DYNLRB1: variants seen among roughly 807,000 people sequenced by gnomAD.
DYNLRB1 encodes dynein light chain roadblock-type 1.
DYNLRB1 carries 6 observed loss-of-function variants against 13.5 expected under a neutral mutation model. The ratio of observed to expected loss-of-function variants is 0.44; its 90% CI spans 0.24 to 0.88. DYNLRB1 has a LOEUF of 0.88. Ranked by LOEUF, DYNLRB1 falls within the 40% of genes least tolerant of loss-of-function variation. The pLI, the probability that DYNLRB1 is intolerant of heterozygous loss-of-function variation, is 0.21. For missense variants in DYNLRB1, 93 were observed against 127.2 expected, an observed-to-expected ratio of 0.73 and a Z score of 1.29; for synonymous variants, 43 against 45.0, an observed-to-expected ratio of 0.96 and a Z score of 0.18.
At chr20:34,536,744 CAAAAA>C (rs560286767) in intron 3 of DYNLRB1, among the ~76,000 whole-genome samples, 2 of 55,920 alleles carry the variant, frequency 3.6e-5, no homozygotes, top group Admixed American at 2.0e-4. Flanking sequence ...GACTCTGTCT[CAAAAA>C]AAAAAAAAAA....
intron 1 of DYNLRB1, among the ~76,000 whole-genome samples, chr20:34,517,668 G>A (rs1200350207): frequency 2.3e-5 from 3 of 131,106 alleles, no homozygotes; most frequent in Non-Finnish European, 4.6e-5. Context: ...TGTCTCTGTC[G>A]CTCAGGCTGG....
At chr20:34,537,163 C>T (rs915984082) in intron 3 of DYNLRB1, among the ~76,000 whole-genome samples, 1 of 152,104 alleles carries the variant, frequency 6.6e-6, no homozygotes, top group African/African-American at 2.4e-5. Flanking sequence ...GTGGCCAGTC[C>T]CTCACCTTGG....
intron 1 of DYNLRB1, among the ~76,000 whole-genome samples, chr20:34,525,191 A>C (rs1421493376): frequency 6.8e-5 from 10 of 147,406 alleles, no homozygotes; most frequent in African/African-American, 2.3e-4. Context: ...CCCCCCCCCC[A>C]TTTCTTTTGG....
chr20:34,526,966 T>C (rs978691483), intron 2 of DYNLRB1, among the ~76,000 whole-genome samples: 34 of 152,222 alleles, frequency 2.2e-4, no homozygotes, highest in African/African-American at 7.5e-4. Flanking sequence ...CAACCCTTTC[T>C]GAGTGGTATC....
At chr20:34,530,046 G>A (rs1462716447) in intron 2 of DYNLRB1, 2 of 1,251,382 alleles carry the variant, frequency 1.6e-6, no homozygotes, top group Non-Finnish European at 2.0e-6. Flanking sequence ...GTCACTAAGA[G>A]AGAAACTGTC....
chr20:34,529,787 T>C, intron 2 of DYNLRB1: 1 of 1,325,018 alleles, frequency 7.5e-7, no homozygotes, highest in Non-Finnish European at 9.8e-7. Flanking sequence ...AGCACAGAGC[T>C]AGACAGAACG....
chr20:34,532,121 C>A (rs1327951170), intron 2 of DYNLRB1, among the ~76,000 whole-genome samples: 7 of 152,192 alleles, frequency 4.6e-5, no homozygotes, highest in Non-Finnish European at 5.9e-5. Flanking sequence ...TGTGTTTTAG[C>A]AAGGCCCTTG....
intron 2 of DYNLRB1, among the ~76,000 whole-genome samples, chr20:34,532,878 G>A (rs1252899270): frequency 6.6e-6 from 1 of 152,188 alleles, no homozygotes; most frequent in Non-Finnish European, 1.5e-5. Flanking sequence ...CACTCAGCCA[G>A]TCGGCCTGAT....
chr20:34,538,005 T>TTTTTTTG (rs1981293993), intron 3 of DYNLRB1, among the ~76,000 whole-genome samples: 12 of 122,990 alleles, frequency 9.8e-5, no homozygotes, highest in East Asian at 2.6e-4. Context: ...TTTTTTTTTT[T>TTTTTTTG]GAGACAGGGT....
chr20:34,538,013 G>C (rs1213894466), intron 3 of DYNLRB1, among the ~76,000 whole-genome samples: 1 of 138,430 alleles, frequency 7.2e-6, no homozygotes, highest in Non-Finnish European at 1.6e-5. Context: ...TTTGAGACAG[G>C]GTCTAGCTCT....
intron 2 of DYNLRB1, among the ~76,000 whole-genome samples, chr20:34,533,194 T>C (rs532861731): frequency 1.3e-5 from 2 of 152,286 alleles, no homozygotes; most frequent in South Asian, 4.1e-4. Flanking sequence ...AAGGAAACAG[T>C]CCTCAAACAA....
At chr20:34,521,801 G>T (rs1432601450) in intron 1 of DYNLRB1, among the ~76,000 whole-genome samples, 1 of 152,170 alleles carries the variant, frequency 6.6e-6, no homozygotes, top group Non-Finnish European at 1.5e-5. Context: ...AGTCCCAACA[G>T]TTTGGGAGGC....
At chr20:34,522,469 C>CTTTTTTTTTTTTTT (rs771811577) in intron 1 of DYNLRB1, among the ~76,000 whole-genome samples, 119 of 77,196 alleles carry the variant, frequency 1.5e-3, no homozygotes, top group African/African-American at 2.4e-3. Context: ...TTTTCTTTTT[C>CTTTTTTTTTTTTTT]TTTTTTTTTT....
At position 34,540,708 on chromosome 20, in the gene DYNLRB1, A is replaced by G. The variant is rs921310876; in HGVS notation, c.*84A>G. The G allele has an allele frequency of 1.4e-6, 2 of 1,439,348 alleles. No homozygotes were observed. Among genetic ancestry groups the G allele is most frequent in the Non-Finnish European group, 1.9e-6 (2 of 1,030,808 alleles). 89.2% of individuals were successfully genotyped at this position (1,439,348 alleles called of 1,614,324 possible). A position where few individuals can be genotyped will look rare whatever the true frequency, so the allele number is the denominator to read the frequency against. ...GTCAATCATGTCAGTGGACTAGCAC[A>G]TGGCAGTCGCTTGGAACCCACTCAC... On this transcript the variant is annotated 3_prime_UTR_variant, in exon 4 of 4. Transcript: ENST00000357156.
rs779286780 is a variant in DYNLRB1 at position 34,534,664 on chromosome 20, C to A, written c.116C>A (p.Thr39Asn). 1 of 1,587,704 alleles carries A rather than the reference C, an allele frequency of 6.3e-7. No homozygotes were observed. Among genetic ancestry groups the A allele is most frequent in the Non-Finnish European group, 8.6e-7 (1 of 1,166,232 alleles). The part of the protein sequence containing the change: ...PIKSTMDNPT[T>N]TQYASLMHSF... ...AAGAGCACCATGGACAACCCCACCA[C>A]CACCCAGTATGCCAGCCTCATGCAC... The change falls in exon 3 of 4, where the codon ACC becomes AAC. Residue 39 changes from threonine (T) to asparagine (N), a missense_variant. Physicochemically the swap from Thr to Asn is moderately conservative, Grantham distance 65 (BLOSUM62 0). Coordinates refer to ENST00000357156, the MANE Select transcript of DYNLRB1 (RefSeq NM_014183.4).
At chr20:34,528,337 A>AAC in intron 2 of DYNLRB1, among the ~76,000 whole-genome samples, 1 of 35,324 alleles carries the variant, frequency 2.8e-5, no homozygotes, top group African/African-American at 1.0e-4. Flanking sequence ...AAAAAAAAAA[A>AAC]AAAAAAACTA....
At chr20:34,516,716 T>G (rs1376277894) in intron 1 of DYNLRB1, 4 of 1,534,526 alleles carry the variant, frequency 2.6e-6, no homozygotes, top group Non-Finnish European at 3.5e-6. Flanking sequence ...CAGGAAGAGA[T>G]GATGGGCGAG....
intron 1 of DYNLRB1, chr20:34,516,742 C>G (rs1458496992): frequency 6.5e-7 from 1 of 1,547,410 alleles, no homozygotes; most frequent in Non-Finnish European, 8.7e-7. Context: ...GGCGGCGGCC[C>G]TGCAGCCTAG....
chr20:34,535,537 C>A, intron 3 of DYNLRB1: 1 of 788,024 alleles, frequency 1.3e-6, no homozygotes, highest in Non-Finnish European at 1.5e-6. Context: ...ACATCTCCTG[C>A]CCGGCTCCCT....
Sources: allele counts gnomAD v4.1 joint callset (sites outside exome capture counted in the v4.1 genomes callset), GRCh38; gene constraint gnomAD v4.1.1; transcripts MANE v1.5; gene names NCBI Gene and HGNC (gene_info 2026-07-23, HGNC 2026-07-21).